Variants in TPRKB observed in about 807,000 individuals in gnomAD.
TPRKB encodes TP53RK binding protein, also known as EKC/KEOPS complex subunit TPRKB.
In TPRKB, 11 loss-of-function variants were observed where a neutral mutation model predicts 17.8. That is an observed-to-expected ratio of 0.62 (90% CI 0.39 to 1.02). TPRKB has a LOEUF of 1.02. Ranked by LOEUF, TPRKB falls within the 50% of genes least tolerant of loss-of-function variation. TPRKB has a pLI of 0.00. For synonymous variants in TPRKB, 71 were observed against 69.5 expected (o/e 1.02, Z -0.11); for missense variants, 228 against 198.0 (o/e 1.15, Z -0.91).
At position 73,737,332 on chromosome 2, in the gene TPRKB, TC is replaced by T. The variant is rs1186657722; in HGVS notation, c.-54del. On this transcript the variant is annotated 5_prime_UTR_variant, in exon 1 of 5. Coordinates refer to ENST00000272424, the MANE Select transcript of TPRKB (RefSeq NM_016058.5). ...GGCCCCCAGTGCGTCTCGGAAGAGC[TC>T]CCGCTCCGAAACAAAGCTCACAACT... 6.6e-6 allele frequency: 1 copy of T among 152,068 alleles called. No homozygotes were observed. Among genetic ancestry groups the T allele is most frequent in the East Asian group, 1.9e-4 (1 of 5,172 alleles). 9.4% of individuals were successfully genotyped at this position (152,068 alleles called of 1,614,324 possible).
chr2:73,729,944 C>T lies in TPRKB; in HGVS notation c.527G>A (p.Ter176=). The part of the protein sequence containing the change: ...ICRMSTKDVL[*] ...ATTTTTGTTAATATTTCTGACATTT[C>T]ATAAAACATCTTTTGTTGACATTCT... is the stretch of plus-strand genomic sequence containing the variant. The change falls in exon 5 of 5, where the codon TGA becomes TAA. Residue 176 remains the stop codon, a stop_retained_variant. Transcript: ENST00000272424. The T allele has an allele frequency of 6.5e-7, 1 of 1,544,294 alleles. No homozygotes were observed. The highest frequency in any genetic ancestry group is 8.8e-7 in the Non-Finnish European group (1 of 1,140,064).
At chr2:73,734,995 G>A (rs2103866253) in intron 1 of TPRKB, among the ~76,000 whole-genome samples, 1 of 152,228 alleles carries the variant, frequency 6.6e-6, no homozygotes, top group South Asian at 2.1e-4. Context: ...TATATTTTAG[G>A]AAGGCCTAGA....
chr2:73,730,751 A>AT lies in TPRKB; in HGVS notation c.265-16dup. On this transcript the variant is annotated splice_polypyrimidine_tract_variant and intron_variant, in intron 3 of 4. Coordinates refer to ENST00000272424, the MANE Select transcript of TPRKB (RefSeq NM_016058.5). ...GCCTCTGAAATCTAAGAGAAAAAAAATGAAAAAAAAAACACAAGATCATTA... is the reference window on the plus strand; with the variant it reads ...GCCTCTGAAATCTAAGAGAAAAAAAATTGAAAAAAAAAACACAAGATCATTA... The AT allele has an allele frequency of 6.8e-7, 1 of 1,475,168 alleles. No homozygotes were observed. 91.4% of individuals were successfully genotyped at this position (1,475,168 alleles called of 1,614,324 possible). A position where few individuals can be genotyped will look rare whatever the true frequency, so the allele number is the denominator to read the frequency against.
chr2:73,736,903 C>T (rs1671910479), intron 1 of TPRKB, among the ~76,000 whole-genome samples: 2 of 152,158 alleles, frequency 1.3e-5, no homozygotes, highest in South Asian at 2.1e-4. Context: ...GCTCAAGTCA[C>T]CAACCTTTCT....
intron 2 of TPRKB, 24 bp from the exon 3 acceptor site, chr2:73,732,309 T>G: frequency 1.9e-6 from 3 of 1,606,694 alleles, no homozygotes; most frequent in South Asian, 1.1e-5. Context: ...GAAAAAGAAT[T>G]AATTACACAT....
intron 1 of TPRKB, 88 bp from the exon 2 acceptor site, chr2:73,734,679 G>A: frequency 4.1e-6 from 5 of 1,217,212 alleles, no homozygotes; most frequent in Non-Finnish European, 5.6e-6. Flanking sequence ...AACTTTGAAA[G>A]TAACTTGATA....
rs368699179 is a variant in TPRKB, at chr2:73,730,664, C to A, written c.337G>T (p.Gly113Ter). The A allele has an allele frequency of 1.3e-6, 2 of 1,584,368 alleles. No individual in the cohort carries two copies. The highest frequency in any genetic ancestry group is 3.7e-5 in the Admixed American group (2 of 54,014). Residue 113 changes from glycine to a stop codon, truncating the protein, a stop_gained, in exon 4 of 5, where the codon GGA becomes TGA. Transcript: ENST00000272424. LOFTEE classifies it high-confidence loss of function. ...TATTCTTGATTTATTTGTTTTTCTCCCTCTTCAATGTAAACAATTAGAATT... is the reference window on the plus strand; with the variant it reads ...TATTCTTGATTTATTTGTTTTTCTCACTCTTCAATGTAAACAATTAGAATT... ...TSILIVYIEE[G>*]EKQINQEYLI... is the part of the protein sequence containing the mutation.
chr2:73,734,847 C>T (rs1323974892), intron 1 of TPRKB, among the ~76,000 whole-genome samples: 2 of 152,190 alleles, frequency 1.3e-5, no homozygotes, highest in South Asian at 4.1e-4. Flanking sequence ...GGCTCAGGTG[C>T]ATGGTTGAAG....
At chr2:73,732,035 A>T in intron 3 of TPRKB, 128 bp downstream of exon 3, 1 of 1,044,320 alleles carries the variant, frequency 9.6e-7, no homozygotes, top group Non-Finnish European at 1.4e-6. Flanking sequence ...CTCTGTCCAG[A>T]GCTCTCTTCA....
chr2:73,732,006 G>A, intron 3 of TPRKB, 157 bp downstream of exon 3: 2 of 761,068 alleles, frequency 2.6e-6, no homozygotes, highest in Non-Finnish European at 4.1e-6. Flanking sequence ...TTAGTAAGAG[G>A]CAGGGTTAAA....
intron 3 of TPRKB, 89 bp from the exon 4 acceptor site, chr2:73,730,825 G>C: frequency 1.1e-6 from 1 of 945,222 alleles, no homozygotes; most frequent in Non-Finnish European, 1.5e-6. Flanking sequence ...CTTCTTCCTT[G>C]GTCAGGCTCT....
chr2:73,736,476 G>A lies in TPRKB; in HGVS notation c.-23+826C>T, dbSNP rs548575302. Among the ~76,000 whole-genome samples, 26 of 152,300 alleles carry A rather than the reference G, an allele frequency of 1.7e-4. No homozygotes were observed. The South Asian group carries it at 3.5e-3, about 21-fold the overall frequency. On this transcript the variant is annotated intron_variant, in intron 1 of 4. Coordinates refer to ENST00000272424, the MANE Select transcript of TPRKB (RefSeq NM_016058.5). The stretch of plus-strand genomic sequence containing the variant: ...CGTGCTTTTTAACACTGAGTGGGGG[G>A]AAGAACCCTTAGAAAACTTCAAAAT...
intron 3 of TPRKB, 179 bp downstream of exon 3, chr2:73,731,984 A>T: frequency 1.7e-6 from 1 of 596,680 alleles, no homozygotes; most frequent in Non-Finnish European, 2.7e-6. Context: ...GTTTACTCAT[A>T]TGTAAACTGT....
Position 73,730,663 on chromosome 2 carries a change from C to G in TPRKB, c.338G>C (p.Gly113Ala). 6.3e-7 allele frequency: 1 copy of G among 1,588,706 alleles called. No individual in the cohort carries two copies. The highest frequency in any genetic ancestry group is 8.5e-7 in the Non-Finnish European group (1 of 1,171,642). ...GTATTCTTGATTTATTTGTTTTTCT[C>G]CCTCTTCAATGTAAACAATTAGAAT... The part of the protein sequence containing the change: ...TSILIVYIEE[G>A]EKQINQEYLI... Residue 113 changes from glycine to alanine, a missense_variant, in exon 4 of 5, where the codon GGA becomes GCA. Gly to Ala is a moderately conservative substitution (Grantham distance 60). Transcript: ENST00000272424.
chr2:73,736,824 G>T lies in TPRKB; in HGVS notation c.-23+478C>A, dbSNP rs12476993. 8.8e-3 allele frequency among the ~76,000 whole-genome samples: 1,341 copies of T among 152,156 alleles called. 87 individuals carry two copies. The highest frequency in any genetic ancestry group is 0.078 in the Admixed American group (1,190 of 15,280). ...TGATAAAGCCCCAACTTTGTGTCAC[G>T]GTGTTCCACACTCTACGATCTGGTC... is the stretch of plus-strand genomic sequence containing the variant. On this transcript the variant is annotated intron_variant, in intron 1 of 4. Transcript: ENST00000272424.
intron 2 of TPRKB, among the ~76,000 whole-genome samples, chr2:73,732,988 G>A (rs1373171767): frequency 1.3e-5 from 2 of 152,122 alleles, no homozygotes; most frequent in Admixed American, 1.3e-4. Flanking sequence ...GAATGTCTGG[G>A]TTTGAATCCC....
intron 2 of TPRKB, chr2:73,732,528 C>G (rs1406882388): frequency 2.4e-6 from 1 of 411,484 alleles, no homozygotes; most frequent in Non-Finnish European, 4.4e-6. Context: ...CTGGCCAACA[C>G]GGCGAAACCC....
chr2:73,735,080 G>A (rs1266486797), intron 1 of TPRKB, among the ~76,000 whole-genome samples: 1 of 152,168 alleles, frequency 6.6e-6, no homozygotes, highest in South Asian at 2.1e-4. Context: ...TGTAATCTCA[G>A]CACTCTGGGA....
chr2:73,731,401 AATTATG>A (rs1245916346), intron 3 of TPRKB, among the ~76,000 whole-genome samples: 1 of 152,160 alleles, frequency 6.6e-6, no homozygotes, highest in Non-Finnish European at 1.5e-5. Flanking sequence ...GAGTTTTCTG[AATTATG>A]TCTAATGATC....
Sources: gnomAD v4.1 joint callset for allele counts (sites outside exome capture counted in the v4.1 genomes callset) on GRCh38, gnomAD v4.1.1 for gene constraint, MANE v1.5 for transcripts, NCBI Gene and HGNC (gene_info 2026-07-23, HGNC 2026-07-21) for gene names.